The following CDH4 variants were observed in gnomAD, a reference collection of about 807,000 sequenced individuals.
The protein encoded by CDH4 is cadherin 4, also known as cadherin-4.
A neutral mutation model predicts 86.0 loss-of-function variants in CDH4; 33 were observed. That is an observed-to-expected ratio of 0.38 (90% CI 0.29 to 0.51). The LOEUF (loss-of-function observed/expected upper bound fraction) is 0.51, where lower values mean the gene tolerates loss of function less well. CDH4 is among the 20% of genes least tolerant of loss of function. CDH4 has a pLI of 0.86. For synonymous variants in CDH4, 555 were observed against 549.4 expected (o/e 1.01, Z -0.14); for missense variants, 1,114 against 1,307.4 (o/e 0.85, Z 2.28).
intron 2 of CDH4, among the ~76,000 whole-genome samples, chr20:61,549,372 C>T (rs1233083994): frequency 6.6e-6 from 1 of 152,174 alleles, no homozygotes; most frequent in East Asian, 1.9e-4. Context: ...CTGGAGCCTA[C>T]AAAGGCTCTT....
chr20:61,511,718 G>A (rs961580927), intron 2 of CDH4, among the ~76,000 whole-genome samples: 2 of 152,202 alleles, frequency 1.3e-5, no homozygotes, highest in African/African-American at 4.8e-5. Context: ...GTCTGGCAGA[G>A]GTTTAAGAGA....
At chr20:61,473,519 T>C (rs1386533301) in intron 2 of CDH4, among the ~76,000 whole-genome samples, 3 of 152,174 alleles carry the variant, frequency 2.0e-5, no homozygotes, top group African/African-American at 7.2e-5. Context: ...GGGTCTTCCT[T>C]TCCAAAACAG....
intron 2 of CDH4, among the ~76,000 whole-genome samples, chr20:61,372,925 C>T (rs920837214): frequency 2.0e-5 from 3 of 152,272 alleles, no homozygotes; most frequent in African/African-American, 4.8e-5. Context: ...GGCGTGGACA[C>T]GCAACCCCAG....
intron 2 of CDH4, among the ~76,000 whole-genome samples, chr20:61,412,220 A>G (rs1362497554): frequency 1.3e-5 from 2 of 152,086 alleles, no homozygotes; most frequent in Non-Finnish European, 2.9e-5. Context: ...ACTTCAGCAA[A>G]CACTCTAGCA....
At chr20:61,841,216 C>G (rs1219418310) in intron 4 of CDH4, among the ~76,000 whole-genome samples, 1 of 152,244 alleles carries the variant, frequency 6.6e-6, no homozygotes, top group Non-Finnish European at 1.5e-5. Flanking sequence ...TTCTCCTAAC[C>G]CAAAGCCAAA....
At chr20:61,416,197 T>C (rs1299909646) in intron 2 of CDH4, among the ~76,000 whole-genome samples, 1 of 151,532 alleles carries the variant, frequency 6.6e-6, no homozygotes, top group Non-Finnish European at 1.5e-5. Context: ...AGACAGGGTT[T>C]CACCATGTTG....
intron 2 of CDH4, among the ~76,000 whole-genome samples, chr20:61,284,745 G>A (rs562192329): frequency 6.6e-6 from 1 of 152,328 alleles, no homozygotes; most frequent in South Asian, 2.1e-4. Context: ...CCAATGCAAT[G>A]TTTTTGAAAG....
intron 2 of CDH4, among the ~76,000 whole-genome samples, chr20:61,720,730 C>T (rs1437598812): frequency 1.3e-5 from 2 of 151,964 alleles, no homozygotes; most frequent in Non-Finnish European, 2.9e-5. Flanking sequence ...CAGGCTCCTC[C>T]CTATTCAGCT....
At chr20:61,497,937 C>T (rs1397878254) in intron 2 of CDH4, among the ~76,000 whole-genome samples, 2 of 151,726 alleles carry the variant, frequency 1.3e-5, no homozygotes, top group Non-Finnish European at 2.9e-5. Context: ...AACCATCATT[C>T]TCAGCAAACT....
intron 2 of CDH4, among the ~76,000 whole-genome samples, chr20:61,375,753 GA>G (rs2084865272): frequency 7.7e-6 from 1 of 129,228 alleles, no homozygotes; most frequent in East Asian, 2.4e-4. Context: ...TGGTGGTGAT[GA>G]TGGTGGTGCT....
chr20:61,462,221 T>C (rs2085448048), intron 2 of CDH4, among the ~76,000 whole-genome samples: 1 of 152,222 alleles, frequency 6.6e-6, no homozygotes, highest in Non-Finnish European at 1.5e-5. Flanking sequence ...GGTTTGAATT[T>C]TCTGCGGAAG....
At chr20:61,679,303 G>C (rs1262858952) in intron 2 of CDH4, among the ~76,000 whole-genome samples, 3 of 152,184 alleles carry the variant, frequency 2.0e-5, no homozygotes, top group Non-Finnish European at 2.9e-5. Context: ...GTATAGAACA[G>C]AGGTTCTAAA....
chr20:61,558,707 C>T (rs777769278), intron 2 of CDH4, among the ~76,000 whole-genome samples: 5 of 152,224 alleles, frequency 3.3e-5, no homozygotes, highest in East Asian at 1.9e-4. Context: ...AATAGCATCC[C>T]GTGCGTCCCG....
In CDH4 at chr20:61,810,400, C is replaced by G. The variant is rs935148879; in HGVS notation, c.577-34268C>G. ...AGGACTCTTCCCAGCAAAAACTGCCCTCGGCCAAGTTTCTGACCTGGGTTC... is the reference window on the plus strand; with the variant it reads ...AGGACTCTTCCCAGCAAAAACTGCCGTCGGCCAAGTTTCTGACCTGGGTTC... On this transcript the variant is annotated intron_variant, in intron 4 of 15. Transcript: ENST00000614565. The surrounding 1 kb of genome is among the most constrained non-coding windows in gnomAD (Gnocchi z 4.3). Among the ~76,000 whole-genome samples, 1 of 152,236 alleles carries G rather than the reference C, an allele frequency of 6.6e-6. No homozygotes were observed. The highest frequency in any genetic ancestry group is 1.5e-5 in the Non-Finnish European group (1 of 68,048).
At chr20:61,265,537 A>AT (rs1242112929) in intron 2 of CDH4, among the ~76,000 whole-genome samples, 15 of 151,918 alleles carry the variant, frequency 9.9e-5, no homozygotes, top group Non-Finnish European at 7.4e-5. Flanking sequence ...ATTCAATCTT[A>AT]CACGGACCTC....
chr20:61,564,071 A>G (rs925175601), intron 2 of CDH4, among the ~76,000 whole-genome samples: 1 of 152,060 alleles, frequency 6.6e-6, no homozygotes, highest in African/African-American at 2.4e-5. Flanking sequence ...GTCTCCTGTG[A>G]GGACAGCGTT....
In CDH4 at chr20:61,910,685, G is replaced by A. The variant is rs2122928555; in HGVS notation, c.1374+78G>A. ...ACTCCCTAGGACCAGTCAAACAGGAGTGATACTCGGTGTAAAGTTACTGCC... is the reference window on the plus strand; with the variant it reads ...ACTCCCTAGGACCAGTCAAACAGGAATGATACTCGGTGTAAAGTTACTGCC... On this transcript the variant is annotated intron_variant, in intron 9 of 15. Transcript: ENST00000614565. 5 of 1,311,460 alleles carry A rather than the reference G, an allele frequency of 3.8e-6. No homozygotes were observed. In the South Asian group the frequency reaches 6.3e-5, roughly 17 times the overall value. 81.2% of individuals were successfully genotyped at this position (1,311,460 alleles called of 1,614,324 possible). A position where few individuals can be genotyped will look rare whatever the true frequency, so the allele number is the denominator to read the frequency against.
At chr20:61,752,729 C>T (rs368101732) in intron 3 of CDH4, among the ~76,000 whole-genome samples, 1 of 152,158 alleles carries the variant, frequency 6.6e-6, no homozygotes, top group Non-Finnish European at 1.5e-5. Flanking sequence ...ACAAAGCCAG[C>T]GAATCTCACA....
At chr20:61,688,426 C>T (rs938981511) in intron 2 of CDH4, among the ~76,000 whole-genome samples, 1 of 152,118 alleles carries the variant, frequency 6.6e-6, no homozygotes, top group African/African-American at 2.4e-5. Flanking sequence ...TCTGGAATAG[C>T]TGTCAATCTG....
Sources: gnomAD v4.1 joint callset for allele counts (sites outside exome capture counted in the v4.1 genomes callset) on GRCh38, gnomAD v4.1.1 for gene constraint, Gnocchi (gnomAD v3.1) non-coding constraint, MANE v1.5 for transcripts, NCBI Gene and HGNC (gene_info 2026-07-23, HGNC 2026-07-21) for gene names.